C12orf42: variants seen among roughly 807,000 people sequenced by gnomAD.
C12orf42 encodes the protein chromosome 12 open reading frame 42, also known as uncharacterized protein C12orf42.
In C12orf42, 25 loss-of-function variants were observed where a neutral mutation model predicts 21.6. That is an observed-to-expected ratio of 1.16 (90% CI 0.84 to 1.62). C12orf42 has a LOEUF of 1.62. Ranked by LOEUF, C12orf42 falls within the 40% of genes most tolerant of loss-of-function variation. The pLI is 0.00. For synonymous variants in C12orf42, 174 were observed against 175.0 expected (o/e 0.99, Z 0.05); for missense variants, 483 against 459.3 (o/e 1.05, Z -0.47).
chr12:103,345,266 T>G lies in C12orf42; in HGVS notation c.259+23621A>C, dbSNP rs78052370. On this transcript the variant is annotated intron_variant, in intron 4 of 5. Transcript: ENST00000548883. ...TGGGAATTATTCACCTCTCTATGTA[T>G]GTTTTCTCTTCTGTAAAATGCAGAT... 3.3e-3 allele frequency among the ~76,000 whole-genome samples: 501 copies of G among 152,320 alleles called. 3 individuals are homozygous for G. The highest frequency in any genetic ancestry group is 0.011 in the African/African-American group (475 of 41,566).
At chr12:103,095,854 T>C in the C12orf42 span, among the ~76,000 whole-genome samples, 3 of 152,176 alleles carry the variant, frequency 2.0e-5, no homozygotes, top group Admixed American at 1.3e-4. Context: ...ATGTGAGGTC[T>C]CTAAAAGTCT....
intron 2 of C12orf42, among the ~76,000 whole-genome samples, chr12:103,458,245 G>T (rs555466377): frequency 6.6e-6 from 1 of 152,132 alleles, no homozygotes; most frequent in South Asian, 2.1e-4. Flanking sequence ...GTTGGGGGCA[G>T]GAACAAATCC....
the C12orf42 span, among the ~76,000 whole-genome samples, chr12:103,555,895 C>A: frequency 6.6e-6 from 1 of 152,034 alleles, no homozygotes; most frequent in Non-Finnish European, 1.5e-5. Flanking sequence ...CACTCCACTT[C>A]CACACTTCTC....
At chr12:103,280,602 G>A (rs2136305323) in intron 4 of C12orf42, among the ~76,000 whole-genome samples, 1 of 152,106 alleles carries the variant, frequency 6.6e-6, no homozygotes. Context: ...CTGGGTGACA[G>A]AGTGAGACTC....
intron 4 of C12orf42, among the ~76,000 whole-genome samples, chr12:103,350,482 G>A (rs891644376): frequency 6.6e-5 from 10 of 152,258 alleles, no homozygotes; most frequent in African/African-American, 2.2e-4. Context: ...TGATACTGGC[G>A]TAAGGTTATA....
intron 2 of C12orf42, among the ~76,000 whole-genome samples, chr12:103,463,150 C>T (rs1284619278): frequency 4.6e-5 from 7 of 152,176 alleles, no homozygotes; most frequent in African/African-American, 1.7e-4. Context: ...ATAGTAAGTG[C>T]TTAGTAACTC....
intron 4 of C12orf42, among the ~76,000 whole-genome samples, chr12:103,366,625 AC>A (rs2044627144): frequency 6.6e-6 from 1 of 152,094 alleles, no homozygotes; most frequent in African/African-American, 2.4e-5. Context: ...CAAGAAAAAA[AC>A]AATCCCATCA....
At chr12:103,083,050 A>T in the C12orf42 span, among the ~76,000 whole-genome samples, 1 of 152,172 alleles carries the variant, frequency 6.6e-6, no homozygotes, top group African/African-American at 2.4e-5. Flanking sequence ...GGTAGACTAT[A>T]GGCAAGTGCA....
chr12:103,089,101 C>CAAAAAAAA, the C12orf42 span, among the ~76,000 whole-genome samples: 26 of 54,836 alleles, frequency 4.7e-4, no homozygotes, highest in Non-Finnish European at 5.3e-4. Flanking sequence ...GACTCCATCT[C>CAAAAAAAA]AAAAAAAAAA....
chr12:103,059,471 A>C, the C12orf42 span, among the ~76,000 whole-genome samples: 1 of 152,204 alleles, frequency 6.6e-6, no homozygotes, highest in African/African-American at 2.4e-5. Flanking sequence ...TCTCTAACTC[A>C]TTTTATGAGG....
At chr12:103,239,013 C>A (rs2033596744) in intron 10 of C12orf42, among the ~76,000 whole-genome samples, 1 of 152,154 alleles carries the variant, frequency 6.6e-6, no homozygotes, top group South Asian at 2.1e-4. Flanking sequence ...GGGAGTGTGG[C>A]TAGTCTCTGC....
At chr12:103,142,026 C>T in the C12orf42 span, among the ~76,000 whole-genome samples, 1 of 152,104 alleles carries the variant, frequency 6.6e-6, no homozygotes, top group Admixed American at 6.6e-5. Flanking sequence ...AAACTAAAAA[C>T]ATCCTAGACA....
rs529498131 is a variant in C12orf42, at chr12:103,305,140, G to A, written c.631+834C>T. Among the ~76,000 whole-genome samples the A allele has an allele frequency of 8.5e-5, 13 of 152,268 alleles. No homozygotes were observed. In the East Asian group the frequency reaches 2.5e-3, roughly 29 times the overall value. On this transcript the variant is annotated intron_variant, in intron 5 of 5. Coordinates refer to ENST00000548883, the MANE Select transcript of C12orf42 (RefSeq NM_198521.5). Reference sequence around the variant, plus strand: ...AATCTCGTGTTTGCAGAAAGTTTACGAATTTGTGTTGGGCCACATATAAAG... The same window carrying A: ...AATCTCGTGTTTGCAGAAAGTTTACAAATTTGTGTTGGGCCACATATAAAG...
the C12orf42 span, among the ~76,000 whole-genome samples, chr12:103,078,276 C>A: frequency 1.3e-5 from 2 of 152,148 alleles, no homozygotes. Context: ...AAAATAGAGG[C>A]TTAAATAATT....
rs189845526 is a variant in C12orf42 at position 103,323,057 on chromosome 12, A to G, written c.260-16712T>C. Among the ~76,000 whole-genome samples, 27 of 151,716 alleles carry G rather than the reference A, an allele frequency of 1.8e-4. No individual in the cohort carries two copies. The East Asian group carries it at 5.3e-3, about 30-fold the overall frequency. ...TAAGGCTGCCCAACTTTTCATTGGT[A>G]GAAGCAATCTTCTACACTGGGCTAT... On this transcript the variant is annotated intron_variant, in intron 4 of 5. Transcript: ENST00000548883.
chr12:103,467,282 C>A (rs1432923717), intron 2 of C12orf42, among the ~76,000 whole-genome samples: 1 of 152,208 alleles, frequency 6.6e-6, no homozygotes, highest in Admixed American at 6.5e-5. Context: ...CATTACATAA[C>A]CATTGTATAT....
chr12:103,287,130 G>A lies in C12orf42; in HGVS notation n.338-9920C>T, dbSNP rs186724667. On this transcript the variant is annotated intron_variant and non_coding_transcript_variant, in intron 4 of 6. Coordinates refer to the C12orf42 transcript ENST00000546526. ...GGTACTGTAAACTAGTTCAACCATT[G>A]TGGAAGTCGGTGTGGCGATTCCTCT... is the stretch of plus-strand genomic sequence containing the variant. Among the ~76,000 whole-genome samples, 16 of 152,328 alleles carry A rather than the reference G, an allele frequency of 1.1e-4. No individual in the cohort carries two copies. In the South Asian group the frequency reaches 1.5e-3, roughly 14 times the overall value.
Position 103,261,476 on chromosome 12 carries a change from CAAAAAAA to C in C12orf42, c.*1366+1843_*1366+1849del, listed in dbSNP as rs200549825. 6.2e-3 allele frequency among the ~76,000 whole-genome samples: 490 copies of C among 78,822 alleles called. 2 individuals are homozygous for C. Among genetic ancestry groups the C allele is most frequent in the Middle Eastern group, 0.019 (2 of 106 alleles). The allele number at this position is 78,822 out of a possible 152,430, so 51.7% of individuals were successfully genotyped here. A position where few individuals can be genotyped will look rare whatever the true frequency, so the allele number is the denominator to read the frequency against. On this transcript the variant is annotated intron_variant and NMD_transcript_variant, in intron 10 of 10. Coordinates refer to the C12orf42 transcript ENST00000547347. ...CAGCTGGGTGACAATGAGACTCTTT[CAAAAAAA>C]AAAAAAAAAAAAAAAGTATGGTTCT...
At chr12:103,449,128 T>TAGAC (rs374259578) in intron 2 of C12orf42, among the ~76,000 whole-genome samples, 6,374 of 148,628 alleles carry the variant, frequency 0.043, 348 homozygotes, top group East Asian at 0.092. Flanking sequence ...GATAGATAGA[T>TAGAC]AGACAGACAC....
Sources: gnomAD v4.1 joint callset for allele counts (sites outside exome capture counted in the v4.1 genomes callset) on GRCh38, gnomAD v4.1.1 for gene constraint, MANE v1.5 for transcripts, NCBI Gene and HGNC (gene_info 2026-07-23, HGNC 2026-07-21) for gene names.